Variants in CDK6 observed in about 807,000 individuals in gnomAD.
The protein encoded by CDK6 is cyclin dependent kinase 6, also known as cyclin-dependent kinase 6.
CDK6 carries 6 observed loss-of-function variants against 37.1 expected under a neutral mutation model. The ratio of observed to expected loss-of-function variants is 0.16; its 90% CI spans 0.09 to 0.32. The LOEUF (loss-of-function observed/expected upper bound fraction) is 0.32. CDK6 is among the 10% of genes least tolerant of loss of function. CDK6 has a pLI of 1.00. For missense variants in CDK6, 224 were observed against 418.9 expected, an observed-to-expected ratio of 0.53 and a Z score of 4.06; for synonymous variants, 160 against 161.3, an observed-to-expected ratio of 0.99 and a Z score of 0.06.
intron 3 of CDK6, among the ~76,000 whole-genome samples, chr7:92,751,325 G>T (rs1320931569): frequency 6.6e-6 from 1 of 152,038 alleles, no homozygotes; most frequent in African/African-American, 2.4e-5. Context: ...GAAAAGAAGT[G>T]TTCGAGATAC....
chr7:92,781,680 C>T (rs1314123177), intron 2 of CDK6, among the ~76,000 whole-genome samples: 1 of 152,016 alleles, frequency 6.6e-6, no homozygotes, highest in Admixed American at 6.6e-5. Flanking sequence ...TTTCCGGTCA[C>T]TTTTTTTTCC....
At chr7:92,677,122 A>T (rs1201659235) in intron 4 of CDK6, among the ~76,000 whole-genome samples, 1 of 152,204 alleles carries the variant, frequency 6.6e-6, no homozygotes, top group Non-Finnish European at 1.5e-5. Flanking sequence ...AATCATTGTA[A>T]CCAAGTGAGA....
chr7:92,616,752 T>C (rs1353216940), intron 7 of CDK6, among the ~76,000 whole-genome samples: 3 of 152,194 alleles, frequency 2.0e-5, no homozygotes, highest in African/African-American at 2.4e-5. Context: ...TAGAGGATTA[T>C]GTGAGAGGAA....
chr7:92,722,819 G>A (rs974654490), intron 4 of CDK6, among the ~76,000 whole-genome samples: 1 of 152,204 alleles, frequency 6.6e-6, no homozygotes, highest in Non-Finnish European at 1.5e-5. Context: ...GGCTGAATAA[G>A]ATGAGCATCT....
intron 4 of CDK6, among the ~76,000 whole-genome samples, chr7:92,716,922 C>T (rs1229973171): frequency 6.6e-6 from 1 of 152,096 alleles, no homozygotes; most frequent in African/African-American, 2.4e-5. Flanking sequence ...CTTCTGGATC[C>T]CTGAGAAGCC....
At chr7:92,716,644 G>C (rs1037633892) in intron 4 of CDK6, among the ~76,000 whole-genome samples, 1 of 152,168 alleles carries the variant, frequency 6.6e-6, no homozygotes, top group Non-Finnish European at 1.5e-5. Context: ...AAAGGAAGCA[G>C]TGACAGCTCT....
chr7:92,663,438 C>T (rs1796880852), intron 5 of CDK6, among the ~76,000 whole-genome samples: 1 of 152,102 alleles, frequency 6.6e-6, no homozygotes, highest in South Asian at 2.1e-4. Flanking sequence ...GGCACGGTGC[C>T]TCATGCCTGT....
chr7:92,834,818 C>A lies in CDK6; in HGVS notation c.-367-1128G>T, dbSNP rs542998463. ...CAGAGGTGGCTGCCCCATTCCCCCTCCGGCTAAAGGCCCGGTCCAGTCTGC... is the reference window on the plus strand; with the variant it reads ...CAGAGGTGGCTGCCCCATTCCCCCTACGGCTAAAGGCCCGGTCCAGTCTGC... On this transcript the variant is annotated intron_variant, in intron 1 of 7. Transcript: ENST00000424848. The surrounding 1 kb of genome is among the most constrained non-coding windows in gnomAD (Gnocchi z 4.6). Among the ~76,000 whole-genome samples, 1 of 152,272 alleles carries A rather than the reference C, an allele frequency of 6.6e-6. No individual in the cohort carries two copies. The highest frequency in any genetic ancestry group is 2.4e-5 in the African/African-American group (1 of 41,554).
intron 4 of CDK6, among the ~76,000 whole-genome samples, chr7:92,679,858 TTACAGGCG>T (rs1343871936): frequency 6.6e-6 from 1 of 151,836 alleles, no homozygotes; most frequent in Non-Finnish European, 1.5e-5. Flanking sequence ...GTAGTTGGGA[TTACAGGCG>T]TGCACCACCA....
At chr7:92,823,842 T>C (rs1453819893) in intron 2 of CDK6, among the ~76,000 whole-genome samples, 2 of 152,042 alleles carry the variant, frequency 1.3e-5, no homozygotes, top group African/African-American at 4.8e-5. Flanking sequence ...AAAGTTTTTA[T>C]TATTTGTAGA....
intron 5 of CDK6, among the ~76,000 whole-genome samples, chr7:92,653,251 C>T (rs930549220): frequency 2.6e-5 from 4 of 152,196 alleles, no homozygotes; most frequent in African/African-American, 7.2e-5. Flanking sequence ...AATCTACCAT[C>T]TATCTGATAA....
chr7:92,679,610 T>C (rs1428727152), intron 4 of CDK6, among the ~76,000 whole-genome samples: 6 of 152,238 alleles, frequency 3.9e-5, no homozygotes, highest in Non-Finnish European at 5.9e-5. Flanking sequence ...CAGAGCAATA[T>C]AAAACTTTCT....
At chr7:92,634,803 G>A (rs566295387) in intron 5 of CDK6, among the ~76,000 whole-genome samples, 2 of 152,272 alleles carry the variant, frequency 1.3e-5, no homozygotes, top group South Asian at 4.1e-4. Context: ...ATGAGATGGA[G>A]CTGCTGCTAA....
At chr7:92,672,587 G>T (rs959622528) in intron 4 of CDK6, among the ~76,000 whole-genome samples, 2 of 148,252 alleles carry the variant, frequency 1.3e-5, no homozygotes, top group Admixed American at 6.8e-5. Context: ...TAAGGCTGCA[G>T]ATTTGAGTAC....
chr7:92,713,667 TA>T (rs535072218), intron 4 of CDK6, among the ~76,000 whole-genome samples: 5,126 of 67,250 alleles, frequency 0.076, 146 homozygotes, highest in African/African-American at 0.16. Flanking sequence ...TTAAAAAAAG[TA>T]AAAAAAAAAA....
At chr7:92,690,136 C>T (rs1222807323) in intron 4 of CDK6, among the ~76,000 whole-genome samples, 7 of 152,142 alleles carry the variant, frequency 4.6e-5, no homozygotes, top group Admixed American at 1.3e-4. Flanking sequence ...AGTTAACTTC[C>T]GTTTGTCCAT....
intron 4 of CDK6, among the ~76,000 whole-genome samples, chr7:92,675,271 A>G (rs1797178338): frequency 6.6e-6 from 1 of 152,240 alleles, no homozygotes; most frequent in Admixed American, 6.5e-5. Context: ...AACAATATTG[A>G]TATGTTAGGG....
chr7:92,636,031 A>T (rs1796162311), intron 5 of CDK6, among the ~76,000 whole-genome samples: 1 of 152,158 alleles, frequency 6.6e-6, no homozygotes, highest in Admixed American at 6.5e-5. Context: ...TTTAAAAAAA[A>T]GTTATAAGAA....
intron 3 of CDK6, among the ~76,000 whole-genome samples, chr7:92,748,416 GT>G (rs1320201830): frequency 6.6e-6 from 1 of 152,146 alleles, no homozygotes; most frequent in Non-Finnish European, 1.5e-5. Context: ...ATTATTACTG[GT>G]CAGACCCTTG....
Sources: allele counts gnomAD v4.1 joint callset (sites outside exome capture counted in the v4.1 genomes callset), GRCh38; gene constraint gnomAD v4.1.1; non-coding constraint Gnocchi (gnomAD v3.1); transcripts MANE v1.5; gene names NCBI Gene and HGNC (gene_info 2026-07-23, HGNC 2026-07-21).